Variants in THSD7A observed in about 807,000 individuals in gnomAD.
THSD7A encodes thrombospondin type-1 domain-containing protein 7A.
THSD7A carries 96 observed loss-of-function variants against 231.3 expected under a neutral mutation model. The observed-to-expected ratio is 0.41, with a 90% CI of 0.35 to 0.49. The LOEUF is 0.49. Among genes scored for constraint, THSD7A ranks in the 20% least tolerant of loss-of-function variants. The pLI is 0.05. For missense variants in THSD7A, 2,290 were observed against 2,070.2 expected, an observed-to-expected ratio of 1.11 and a Z score of -2.06; for synonymous variants, 940 against 743.3, an observed-to-expected ratio of 1.26 and a Z score of -4.30.
intron 23 of THSD7A, among the ~76,000 whole-genome samples, chr7:11,388,115 G>A (rs184812399): frequency 8.2e-4 from 124 of 152,140 alleles, no homozygotes; most frequent in African/African-American, 2.5e-3. Context: ...GTATTTTGTT[G>A]AGGATTTTCG....
At chr7:11,806,185 G>A (rs1784393531) in intron 1 of THSD7A, among the ~76,000 whole-genome samples, 1 of 152,092 alleles carries the variant, frequency 6.6e-6, no homozygotes, top group African/African-American at 2.4e-5. Flanking sequence ...TCCTCTGAGG[G>A]TTAACAAGCA....
chr7:11,500,839 G>C (rs767931324), intron 6 of THSD7A, among the ~76,000 whole-genome samples: 19 of 151,900 alleles, frequency 1.3e-4, no homozygotes, highest in South Asian at 4.2e-4. Context: ...GGGAGGCTGA[G>C]GCAGAGAATT....
chr7:11,821,709 T>A (rs940926093), intron 1 of THSD7A, among the ~76,000 whole-genome samples: 4 of 152,178 alleles, frequency 2.6e-5, no homozygotes, highest in Admixed American at 6.5e-5. Context: ...CCCCTGTGAC[T>A]TGGAACCTCC....
intron 6 of THSD7A, among the ~76,000 whole-genome samples, chr7:11,532,580 A>C (rs1289018904): frequency 6.6e-6 from 1 of 152,174 alleles, no homozygotes; most frequent in Non-Finnish European, 1.5e-5. Context: ...AAAAGTAGGT[A>C]AGAAGATTGT....
chr7:11,573,161 G>A (rs1378380928), intron 4 of THSD7A, among the ~76,000 whole-genome samples: 2 of 152,106 alleles, frequency 1.3e-5, no homozygotes, highest in African/African-American at 4.8e-5. Flanking sequence ...TCACAGGGCT[G>A]GAGCTCAGCA....
intron 1 of THSD7A, among the ~76,000 whole-genome samples, chr7:11,640,916 C>A (rs2128363177): frequency 6.6e-6 from 1 of 152,152 alleles, no homozygotes; most frequent in Non-Finnish European, 1.5e-5. Flanking sequence ...TATCTTCATT[C>A]TTTAGTTTTG....
intron 17 of THSD7A, among the ~76,000 whole-genome samples, chr7:11,415,899 T>A (rs1783943185): frequency 6.6e-6 from 1 of 152,198 alleles, no homozygotes; most frequent in African/African-American, 2.4e-5. Context: ...CTTCTGTACA[T>A]CATTTTCTGT....
chr7:11,477,987 T>A (rs1329506870), intron 7 of THSD7A, among the ~76,000 whole-genome samples: 1 of 152,186 alleles, frequency 6.6e-6, no homozygotes, highest in Non-Finnish European at 1.5e-5. Flanking sequence ...ATTAATAACA[T>A]CCAATTCCAA....
chr7:11,719,070 G>A (rs1016385412), intron 1 of THSD7A, among the ~76,000 whole-genome samples: 4 of 151,506 alleles, frequency 2.6e-5, no homozygotes, highest in Admixed American at 1.3e-4. Flanking sequence ...GTGTGTATGC[G>A]CTCATGTGTG....
intron 4 of THSD7A, among the ~76,000 whole-genome samples, chr7:11,573,884 A>G (rs886531519): frequency 2.6e-5 from 4 of 152,218 alleles, no homozygotes; most frequent in African/African-American, 9.6e-5. Context: ...TTCTGTTAAT[A>G]TCTTTCCCCT....
intron 11 of THSD7A, among the ~76,000 whole-genome samples, chr7:11,449,639 T>C (rs928075791): frequency 6.6e-6 from 1 of 152,062 alleles, no homozygotes; most frequent in African/African-American, 2.4e-5. Flanking sequence ...AACATCCATA[T>C]AGTTTAGAAG....
chr7:11,639,019 C>G (rs1461097899), intron 1 of THSD7A, among the ~76,000 whole-genome samples: 1 of 152,088 alleles, frequency 6.6e-6, no homozygotes, highest in Non-Finnish European at 1.5e-5. Flanking sequence ...CCCATCCCCA[C>G]TGTGCTTGAA....
At chr7:11,546,401 A>T (rs1789402159) in intron 4 of THSD7A, among the ~76,000 whole-genome samples, 1 of 152,142 alleles carries the variant, frequency 6.6e-6, no homozygotes, top group Admixed American at 6.5e-5. Flanking sequence ...CTTAACCTTG[A>T]GGGGCCAGAG....
intron 6 of THSD7A, among the ~76,000 whole-genome samples, chr7:11,491,420 C>CTT (rs34892284): frequency 0.65 from 99,068 of 151,634 alleles, 32,816 homozygotes; most frequent in South Asian, 0.73. Flanking sequence ...AGTCCCCTTT[C>CTT]TCTCTGGACT....
intron 1 of THSD7A, among the ~76,000 whole-genome samples, chr7:11,663,155 T>C (rs998165377): frequency 1.3e-5 from 2 of 151,254 alleles, no homozygotes; most frequent in Non-Finnish European, 3.0e-5. Flanking sequence ...ACTACTAATA[T>C]AAATGACTAA....
At chr7:11,736,453 C>CTGTGTG (rs61483307) in intron 1 of THSD7A, among the ~76,000 whole-genome samples, 172 of 143,602 alleles carry the variant, frequency 1.2e-3, no homozygotes, top group African/African-American at 3.6e-3. Flanking sequence ...ACAGCAGACT[C>CTGTGTG]TGTGTGTGTG....
At chr7:11,447,779 A>T (rs1785021071) in intron 11 of THSD7A, among the ~76,000 whole-genome samples, 1 of 152,174 alleles carries the variant, frequency 6.6e-6, no homozygotes, top group African/African-American at 2.4e-5. Context: ...GTGGGTTCTG[A>T]TAATAGCTTA....
chr7:11,820,668 C>G, intron 1 of THSD7A: 2 of 824,888 alleles, frequency 2.4e-6, no homozygotes, highest in Non-Finnish European at 4.2e-6. Context: ...CTTGGACCCA[C>G]AAAGACTTTA....
intron 11 of THSD7A, among the ~76,000 whole-genome samples, chr7:11,448,393 G>A (rs1785043101): frequency 6.6e-6 from 1 of 152,122 alleles, no homozygotes; most frequent in Non-Finnish European, 1.5e-5. Flanking sequence ...TGAGGAAGCA[G>A]ATGAAACATT....
Sources: gnomAD v4.1 joint callset for allele counts (sites outside exome capture counted in the v4.1 genomes callset) on GRCh38, gnomAD v4.1.1 for gene constraint, MANE v1.5 for transcripts, NCBI Gene and HGNC (gene_info 2026-07-23, HGNC 2026-07-21) for gene names.